Variants in ZNF19 observed in about 807,000 individuals in gnomAD.
ZNF19 encodes the protein zinc finger protein 19.
ZNF19 carries 11 observed loss-of-function variants against 13.1 expected under a neutral mutation model. The observed-to-expected ratio is 0.84, with a 90% CI of 0.53 to 1.39. The LOEUF is 1.39. ZNF19 is among the 40% of genes most tolerant of loss of function. ZNF19 has a pLI of 0.00. For synonymous variants in ZNF19, 186 were observed against 187.0 expected (o/e 0.99, Z 0.04); for missense variants, 560 against 547.0 (o/e 1.02, Z -0.24).
rs1451190312 is a variant in ZNF19, at chr16:71,478,959, T to G, written c.80A>C (p.Glu27Ala). ...EDVAVHFTKTEWTGLSPAQRA... is the reference protein window; with the variant it reads ...EDVAVHFTKTAWTGLSPAQRA... ...CTGGGCAGGAGAAAGGCCAGTCCAT[T>G]CTGTCTTGGTGAAGTGCACAGCCAC... The change falls in exon 4 of 6, where the codon GAA becomes GCA. Residue 27 changes from glutamate to alanine, a missense_variant. Physicochemically the swap from Glu to Ala is moderately radical, Grantham distance 107. Coordinates refer to ENST00000288177, the MANE Select transcript of ZNF19 (RefSeq NM_006961.4). 3.5e-5 allele frequency: 57 copies of G among 1,614,180 alleles called. No individual in the cohort carries two copies. Among genetic ancestry groups the G allele is most frequent in the Non-Finnish European group, 4.7e-5 (56 of 1,180,044 alleles).
chr16:71,478,492 C>T (rs774091950), intron 4 of ZNF19, 151 bp from the exon 5 acceptor site: 1 of 719,206 alleles, frequency 1.4e-6, no homozygotes, highest in South Asian at 1.5e-5. Flanking sequence ...GGAAACTGAG[C>T]ATTTGTGACT....
At chr16:71,485,951 A>G (rs1247362654) in intron 1 of ZNF19, among the ~76,000 whole-genome samples, 1 of 152,126 alleles carries the variant, frequency 6.6e-6, no homozygotes, top group Non-Finnish European at 1.5e-5. Flanking sequence ...TCAAAGATGT[A>G]TATGTCCTAA....
chr16:71,485,505 T>A, intron 1 of ZNF19, among the ~76,000 whole-genome samples: 1 of 138,852 alleles, frequency 7.2e-6, no homozygotes, highest in African/African-American at 2.7e-5. Flanking sequence ...AAAGACCAGG[T>A]CTAAGGAGGG....
At chr16:71,476,355 T>A in intron 5 of ZNF19, 83 bp from the exon 6 acceptor site, 1 of 1,410,990 alleles carries the variant, frequency 7.1e-7, no homozygotes, top group Non-Finnish European at 9.4e-7. Context: ...GATAAGGCTT[T>A]AAAAGAGATC....
intron 2 of ZNF19, among the ~76,000 whole-genome samples, chr16:71,484,199 G>C (rs1311186276): frequency 2.6e-5 from 4 of 152,246 alleles, no homozygotes; most frequent in Non-Finnish European, 4.4e-5. Flanking sequence ...CCATTGGGCG[G>C]AAAGCTTCCT....
chr16:71,481,886 C>G (rs1181195780), intron 3 of ZNF19, among the ~76,000 whole-genome samples, 196 bp downstream of exon 3: 1 of 152,196 alleles, frequency 6.6e-6, no homozygotes, highest in African/African-American at 2.4e-5. Context: ...GGCTGTACTT[C>G]AGCTTTCCAG....
chr16:71,478,580 T>C (rs982339358), intron 4 of ZNF19: 3 of 682,856 alleles, frequency 4.4e-6, no homozygotes, highest in South Asian at 1.5e-5. Flanking sequence ...GAAGGGGACA[T>C]GCCCTTCCCC....
chr16:71,484,266 G>A lies in ZNF19; in HGVS notation c.-30+323C>T, dbSNP rs115615642. On this transcript the variant is annotated intron_variant, in intron 2 of 5. Coordinates refer to ENST00000288177, the MANE Select transcript of ZNF19 (RefSeq NM_006961.4). ...CGCTGCATCCCCGGAATCTAGAGCA[G>A]GAACTGGCACATAGCTGCTCAGTAA... Among the ~76,000 whole-genome samples, 1,158 of 152,360 alleles carry A rather than the reference G, an allele frequency of 7.6e-3. 14 individuals are homozygous for A. The highest frequency in any genetic ancestry group is 0.026 in the African/African-American group (1,079 of 41,586).
intron 1 of ZNF19, among the ~76,000 whole-genome samples, chr16:71,487,985 A>G (rs2043691046): frequency 6.6e-6 from 1 of 152,204 alleles, no homozygotes; most frequent in Admixed American, 6.5e-5. Flanking sequence ...GATTGGGAAC[A>G]TGGCAGGTAT....
chr16:71,474,771 C>T lies in ZNF19; in HGVS notation c.*399G>A, dbSNP rs899395711. On this transcript the variant is annotated 3_prime_UTR_variant, in exon 6 of 6. Coordinates refer to ENST00000288177, the MANE Select transcript of ZNF19 (RefSeq NM_006961.4). The stretch of plus-strand genomic sequence containing the variant: ...TGTGCCAAAGCCAAAACCAACCAAA[C>T]AAAAATGGAATTTATTGGCTGCTGC... 3 of 165,582 alleles carry T rather than the reference C, an allele frequency of 1.8e-5. No individual in the cohort carries two copies. Among genetic ancestry groups the T allele is most frequent in the African/African-American group, 7.2e-5 (3 of 41,678 alleles). The allele number at this position is 165,582 out of a possible 1,614,324, so 10.3% of individuals were successfully genotyped here.
chr16:71,479,017 G>A lies in ZNF19; in HGVS notation c.34-12C>T. On this transcript the variant is annotated splice_polypyrimidine_tract_variant and intron_variant, in intron 3 of 5. Transcript: ENST00000288177. ...AAGGTCACCATCTCCTAAAACAACA[G>A]GTTCCTGCTGCCCCAGAGCCAATCC... 1.2e-6 allele frequency: 2 copies of A among 1,614,136 alleles called. No homozygotes were observed. Among genetic ancestry groups the A allele is most frequent in the Non-Finnish European group, 1.7e-6 (2 of 1,180,024 alleles).
Position 71,475,829 on chromosome 16 carries a change from T to A in ZNF19, c.718A>T (p.Ser240Cys), listed in dbSNP as rs1400288551. 1 of 1,613,590 alleles carries A rather than the reference T, an allele frequency of 6.2e-7. No homozygotes were observed. Residue 240 changes from serine to cysteine, a missense_variant, in exon 6 of 6, where the codon AGT becomes TGT. Coordinates refer to ENST00000288177, the MANE Select transcript of ZNF19 (RefSeq NM_006961.4). The part of the protein sequence containing the change: ...ANLIRHQRIH[S>C]GDRPYYCTEC... ...GTACAGTAATAGGGTCTGTCCCCAC[T>A]GTGGATTCTCTGATGCCTGATCAGA...
rs1165614913 is a variant in ZNF19 at position 71,475,523 on chromosome 16, T to A, written c.1024A>T (p.Thr342Ser). 6.2e-7 allele frequency: 1 copy of A among 1,613,560 alleles called. No individual in the cohort carries two copies. The highest frequency in any genetic ancestry group is 8.5e-7 in the Non-Finnish European group (1 of 1,179,890). ...KVCGQAFNFH[T>S]KLTRHQRIHS... ...ATTCTCTGGTGCCGAGTTAGTTTTG[T>A]ATGAAAATTGAAGGCTTGTCCACAT... is the stretch of plus-strand genomic sequence containing the variant. Residue 342 changes from threonine (T) to serine (S), a missense_variant, in exon 6 of 6, where the codon ACA (threonine) becomes TCA (serine). Transcript: ENST00000288177.
At position 71,479,020 on chromosome 16, in the gene ZNF19, T is replaced by G; in HGVS notation, c.34-15A>C. ...GTCACCATCTCCTAAAACAACAGGT[T>G]CCTGCTGCCCCAGAGCCAATCCTCT... On this transcript the variant is annotated splice_polypyrimidine_tract_variant and intron_variant, in intron 3 of 5. Coordinates refer to ENST00000288177, the MANE Select transcript of ZNF19 (RefSeq NM_006961.4). 6.2e-7 allele frequency: 1 copy of G among 1,614,060 alleles called. No individual in the cohort carries two copies. Among genetic ancestry groups the G allele is most frequent in the Non-Finnish European group, 8.5e-7 (1 of 1,179,994 alleles).
rs748916253 is a variant in ZNF19, at chr16:71,475,721, TAC to T, written c.824_825del (p.Cys275Ter). The T allele has an allele frequency of 6.2e-7, 1 of 1,612,568 alleles. No homozygotes were observed. Among genetic ancestry groups the T allele is most frequent in the Admixed American group, 1.7e-5 (1 of 60,008 alleles). On this transcript the variant is annotated frameshift_variant, in exon 6 of 6. Transcript: ENST00000288177. LOFTEE classifies it low-confidence loss of function (END_TRUNC). Reference protein sequence around the residue: ...RIHTGEKPYECNECGKAFVGN... With the variant: ...RIHTGEKPYEXNECGKAFVGN... Reference sequence around the variant, plus strand: ...CCAACAAAAGCTTTGCCACACTCATTACACTCATAGGGTTTCTCCCCAGTGTG... The same window carrying T: ...CCAACAAAAGCTTTGCCACACTCATTACTCATAGGGTTTCTCCCCAGTGTG...
chr16:71,479,905 G>A (rs898353666), intron 3 of ZNF19, among the ~76,000 whole-genome samples: 9 of 151,914 alleles, frequency 5.9e-5, no homozygotes, highest in East Asian at 1.9e-4. Context: ...TGATCCTCCC[G>A]CCTCAGACTC....
In ZNF19 at chr16:71,478,954, T is replaced by A. The variant is rs893101514; in HGVS notation, c.85A>T (p.Thr29Ser). The A allele has an allele frequency of 3.1e-6, 5 of 1,614,192 alleles. No homozygotes were observed. Among genetic ancestry groups the A allele is most frequent in the Non-Finnish European group, 4.2e-6 (5 of 1,180,024 alleles). ...GCCCTCTGGGCAGGAGAAAGGCCAG[T>A]CCATTCTGTCTTGGTGAAGTGCACA... ...VAVHFTKTEWTGLSPAQRALY... is the reference protein window; with the variant it reads ...VAVHFTKTEWSGLSPAQRALY... The change falls in exon 4 of 6, where the codon ACT becomes TCT. Residue 29 changes from threonine (T) to serine (S), a missense_variant. Transcript: ENST00000288177.
At chr16:71,481,992 G>T in intron 3 of ZNF19, 90 bp downstream of exon 3, 1 of 1,426,374 alleles carries the variant, frequency 7.0e-7, no homozygotes, top group Non-Finnish European at 9.9e-7. Flanking sequence ...CTACTGCTTT[G>T]GCTCTAAGAC....
chr16:71,479,533 T>G (rs2043624439), intron 3 of ZNF19, among the ~76,000 whole-genome samples: 1 of 152,140 alleles, frequency 6.6e-6, no homozygotes, highest in Non-Finnish European at 1.5e-5. Flanking sequence ...CGACTCCCAT[T>G]CGATTCTTGT....
Sources: gnomAD v4.1 joint callset for allele counts (sites outside exome capture counted in the v4.1 genomes callset) on GRCh38, gnomAD v4.1.1 for gene constraint, MANE v1.5 for transcripts, NCBI Gene and HGNC (gene_info 2026-07-23, HGNC 2026-07-21) for gene names.